Variants in TRIM49B observed in about 807,000 individuals in gnomAD.
TRIM49B encodes the protein tripartite motif containing 49B.
In TRIM49B, 18 loss-of-function variants were observed where a neutral mutation model predicts 31.8. The observed-to-expected ratio is 0.57, with a 90% CI of 0.39 to 0.84. The LOEUF is 0.84. Ranked by LOEUF, TRIM49B falls within the 40% of genes least tolerant of loss-of-function variation. The pLI is 0.00. For missense variants in TRIM49B, 494 were observed against 538.7 expected, an observed-to-expected ratio of 0.92 and a Z score of 0.82; for synonymous variants, 196 against 180.6, an observed-to-expected ratio of 1.09 and a Z score of -0.68.
chr11:49,032,066 G>A (rs993078826), intron 2 of TRIM49B, 56 bp downstream of exon 2: 2 of 1,610,916 alleles, frequency 1.2e-6, no homozygotes, highest in African/African-American at 2.7e-5. Context: ...ATTCCTGTGG[G>A]TCTATTTTCT....
rs1300742998 is a variant in TRIM49B at position 49,037,981 on chromosome 11, G to T, written c.*4G>T. On this transcript the variant is annotated 3_prime_UTR_variant, in exon 7 of 7. Coordinates refer to ENST00000332682, the MANE Select transcript of TRIM49B (RefSeq NM_001206626.2). ...CTTTTGCTGTATTCACTTCTGACCA[G>T]AGACAAATCAGAAATGTGTTCACAT... 6.2e-7 allele frequency: 1 copy of T among 1,604,952 alleles called. No homozygotes were observed. Among genetic ancestry groups the T allele is most frequent in the Non-Finnish European group, 8.5e-7 (1 of 1,176,774 alleles).
At chr11:49,036,253 AT>A in intron 5 of TRIM49B, 47 bp from the exon 6 acceptor site, 1 of 1,594,736 alleles carries the variant, frequency 6.3e-7, no homozygotes, top group Non-Finnish European at 8.5e-7. Flanking sequence ...AGTGATTTTT[AT>A]TTATTTTATG....
In TRIM49B at chr11:49,037,806, A is replaced by T; in HGVS notation, c.1188A>T (p.Pro396=). The T allele has an allele frequency of 6.2e-7, 1 of 1,613,870 alleles. No individual in the cohort carries two copies. The highest frequency in any genetic ancestry group is 2.2e-5 in the East Asian group (1 of 44,872). Reference sequence around the variant, plus strand: ...AACGCAGTCTCTTTACCACCTCCCCACTTCTGCTGCAATATATCCCAAGAC... The same window carrying T: ...AACGCAGTCTCTTTACCACCTCCCCTCTTCTGCTGCAATATATCCCAAGAC... The part of the protein sequence containing the change: ...DIQRSLFTTS[P]LLLQYIPRPT... Residue 396 remains proline, a synonymous_variant, in exon 7 of 7, where the codon CCA becomes CCT. Transcript: ENST00000332682.
chr11:49,037,814 T>C lies in TRIM49B; in HGVS notation c.1196T>C (p.Leu399Pro). 6.2e-7 allele frequency: 1 copy of C among 1,613,954 alleles called. No individual in the cohort carries two copies. The highest frequency in any genetic ancestry group is 1.7e-5 in the Admixed American group (1 of 60,020). ...RSLFTTSPLL[L>P]QYIPRPTSRV... is the part of the protein sequence containing the mutation. ...CTCTTTACCACCTCCCCACTTCTGC[T>C]GCAATATATCCCAAGACCTACCAGC... is the stretch of plus-strand genomic sequence containing the variant. Residue 399 changes from leucine to proline, a missense_variant, in exon 7 of 7, where the codon CTG (leucine) becomes CCG (proline). By Grantham distance (98) the Leu-to-Pro change is moderately conservative. Around this residue, in one of 3 missense-constraint regions of TRIM49B, gnomAD observed 233 missense variants for 281.4 expected, o/e 0.83. Transcript: ENST00000332682.
chr11:49,032,972 T>A (rs1227540975), intron 3 of TRIM49B, among the ~76,000 whole-genome samples: 3 of 152,120 alleles, frequency 2.0e-5, no homozygotes, highest in Admixed American at 2.0e-4. Context: ...GGAACTAGTA[T>A]CTAAATATAA....
chr11:49,037,411 A>C (rs1854545968), intron 6 of TRIM49B, 67 bp from the exon 7 acceptor site: 1 of 1,504,726 alleles, frequency 6.6e-7, no homozygotes, highest in Non-Finnish European at 8.9e-7. Context: ...TGGTAAAGTA[A>C]CTTCTTGATA....
chr11:49,036,171 G>C, intron 5 of TRIM49B, 130 bp from the exon 6 acceptor site: 1 of 1,509,982 alleles, frequency 6.6e-7, no homozygotes, highest in South Asian at 1.2e-5. Context: ...TTTGCAAAAG[G>C]AAGGAATAAT....
At chr11:49,034,413 T>C (rs753008832) in intron 4 of TRIM49B, 37 bp downstream of exon 4, 52 of 1,611,818 alleles carry the variant, frequency 3.2e-5, no homozygotes, top group Non-Finnish European at 2.5e-5. Flanking sequence ...TTTTTGAATA[T>C]TCACATGTAT....
At position 49,031,623 on chromosome 11, in the gene TRIM49B, C is replaced by A. The variant is rs1201042866; in HGVS notation, c.24C>A (p.Val8=). Residue 8 remains valine (V), a synonymous_variant, in exon 2 of 7, where the codon GTC becomes GTA. Coordinates refer to ENST00000332682, the MANE Select transcript of TRIM49B (RefSeq NM_001206626.2). MNSGILQ[V]FQRELICPIC... ...ACATGAATTCTGGAATCTTACAGGT[C>A]TTTCAGAGGGAACTCATCTGCCCCA... The A allele has an allele frequency of 6.2e-6, 10 of 1,613,804 alleles. No homozygotes were observed. Among genetic ancestry groups the A allele is most frequent in the Non-Finnish European group, 8.5e-6 (10 of 1,179,876 alleles).
At chr11:49,032,735 A>G (rs868030295) in intron 3 of TRIM49B, among the ~76,000 whole-genome samples, 17 of 152,178 alleles carry the variant, frequency 1.1e-4, no homozygotes, top group African/African-American at 4.1e-4. Context: ...GCTCAGCTGA[A>G]ACTTCTGAGT....
intron 1 of TRIM49B, among the ~76,000 whole-genome samples, chr11:49,029,315 A>G (rs1854418941): frequency 6.6e-6 from 1 of 152,222 alleles, no homozygotes; most frequent in South Asian, 2.1e-4. Flanking sequence ...GAAGGCATTA[A>G]TGAATGATGA....
At chr11:49,032,232 T>C (rs1383879537) in intron 2 of TRIM49B, 44 bp from the exon 3 acceptor site, 30 of 1,612,180 alleles carry the variant, frequency 1.9e-5, no homozygotes, top group Non-Finnish European at 2.5e-5. Flanking sequence ...CCCCTCCCTA[T>C]GTCATGGTCT....
intron 6 of TRIM49B, 113 bp downstream of exon 6, chr11:49,036,511 T>C: frequency 3.0e-6 from 2 of 667,010 alleles, no homozygotes; most frequent in Non-Finnish European, 5.0e-6. Flanking sequence ...AAGACATAAG[T>C]GAACAATATA....
chr11:49,029,979 A>G (rs1045635828), intron 1 of TRIM49B, among the ~76,000 whole-genome samples: 1 of 152,210 alleles, frequency 6.6e-6, no homozygotes, highest in Non-Finnish European at 1.5e-5. Context: ...AGTGTATACC[A>G]TAGGTGTGTA....
In TRIM49B at chr11:49,034,391, T is replaced by C. The variant is rs936949105; in HGVS notation, c.738+15T>C. Reference sequence around the variant, plus strand: ...AGCTACTTCAGGTACAAACTCGCCATGTGGTTTCAGGTTTTTGAATATTCA... The same window carrying C: ...AGCTACTTCAGGTACAAACTCGCCACGTGGTTTCAGGTTTTTGAATATTCA... On this transcript the variant is annotated intron_variant, in intron 4 of 6. Transcript: ENST00000332682. 3.1e-6 allele frequency: 5 copies of C among 1,611,860 alleles called. No individual in the cohort carries two copies. The highest frequency in any genetic ancestry group is 4.2e-6 in the Non-Finnish European group (5 of 1,179,818).
Position 49,037,717 on chromosome 11 carries a change from C to A in TRIM49B, c.1099C>A (p.Gln367Lys). ...TAATATGTATTGGAAAGAGAAGAAT[C>A]AGAATGAGAAGATAGATGGAGAGGA... Reference protein sequence around the residue: ...VCNMYWKEKNQNEKIDGEDGL... With the variant: ...VCNMYWKEKNKNEKIDGEDGL... The change falls in exon 7 of 7, where the codon CAG becomes AAG. Residue 367 changes from glutamine (Q) to lysine (K), a missense_variant. This residue lies in a region of TRIM49B where 233 missense variants were observed against 281.4 expected (regional missense o/e 0.83). Coordinates refer to ENST00000332682, the MANE Select transcript of TRIM49B (RefSeq NM_001206626.2). 1 of 1,613,864 alleles carries A rather than the reference C, an allele frequency of 6.2e-7. No homozygotes were observed. The highest frequency in any genetic ancestry group is 8.5e-7 in the Non-Finnish European group (1 of 1,179,844).
In TRIM49B at chr11:49,037,701, T is replaced by C. The variant is rs769693487; in HGVS notation, c.1083T>C (p.Tyr361=). The C allele has an allele frequency of 2.5e-6, 4 of 1,613,814 alleles. No homozygotes were observed. The highest frequency in any genetic ancestry group is 2.7e-5 in the African/African-American group (2 of 74,892). Residue 361 remains tyrosine (Y), a synonymous_variant, in exon 7 of 7, where the codon TAT becomes TAC. Coordinates refer to ENST00000332682, the MANE Select transcript of TRIM49B (RefSeq NM_001206626.2). ...GGGCTTTTGGTGTCTGTAATATGTA[T>C]TGGAAAGAGAAGAATCAGAATGAGA... ...WNWAFGVCNM[Y]WKEKNQNEKI...
Position 49,031,749 on chromosome 11 carries a change from C to T in TRIM49B, c.150C>T (p.Val50=). The T allele has an allele frequency of 6.2e-7, 1 of 1,613,948 alleles. No homozygotes were observed. ...ACTGGAAAGACAGCCCATTTCTTGT[C>T]CAGTGCTCTGAATGCACAAAGTCAA... The part of the protein sequence containing the change: ...YLNWKDSPFL[V]QCSECTKSTG... Residue 50 remains valine, a synonymous_variant, in exon 2 of 7, where the codon GTC becomes GTT. Transcript: ENST00000332682.
At chr11:49,032,128 C>T in intron 2 of TRIM49B, 118 bp downstream of exon 2, 1 of 1,581,540 alleles carries the variant, frequency 6.3e-7, no homozygotes, top group African/African-American at 1.4e-5. Context: ...TCTGTTTGGG[C>T]TTTCTTAGCT....
Sources: allele counts gnomAD v4.1 joint callset (sites outside exome capture counted in the v4.1 genomes callset), GRCh38; gene constraint gnomAD v4.1.1; regional missense constraint gnomAD v4.1.1; transcripts MANE v1.5; gene names NCBI Gene and HGNC (gene_info 2026-07-23, HGNC 2026-07-21).